FSTL4: variants seen among roughly 807,000 people sequenced by gnomAD.
FSTL4 encodes follistatin-related protein 4.
In FSTL4, 28 loss-of-function variants were observed where a neutral mutation model predicts 78.2. The ratio of observed to expected loss-of-function variants is 0.36; its 90% CI spans 0.27 to 0.49. The LOEUF (loss-of-function observed/expected upper bound fraction) is 0.49, where lower values mean the gene tolerates loss of function less well. FSTL4 is among the 20% of genes least tolerant of loss of function. The pLI, the probability that FSTL4 is intolerant of heterozygous loss-of-function variation, is 0.98. For missense variants in FSTL4, 922 were observed against 1,084.9 expected (o/e 0.85, Z 2.11); for synonymous variants, 422 against 440.5 (o/e 0.96, Z 0.53).
chr5:133,251,608 C>G (rs1456810898), intron 6 of FSTL4, among the ~76,000 whole-genome samples: 2 of 152,056 alleles, frequency 1.3e-5, no homozygotes, highest in East Asian at 3.9e-4. Flanking sequence ...TATCTAAACC[C>G]CGAACTTTAG....
At chr5:133,394,773 AG>A (rs1755959469) in intron 4 of FSTL4, among the ~76,000 whole-genome samples, 1 of 152,234 alleles carries the variant, frequency 6.6e-6, no homozygotes, top group African/African-American at 2.4e-5. Flanking sequence ...CTCCACCTGC[AG>A]CCCGGTGAGG....
At chr5:133,324,515 C>T (rs947752265) in intron 4 of FSTL4, among the ~76,000 whole-genome samples, 1 of 152,264 alleles carries the variant, frequency 6.6e-6, no homozygotes, top group African/African-American at 2.4e-5. Flanking sequence ...CGGGCACCCT[C>T]GTGTGCTGCC....
intron 7 of FSTL4, among the ~76,000 whole-genome samples, chr5:133,245,217 G>T (rs1270133146): frequency 6.6e-6 from 1 of 152,064 alleles, no homozygotes; most frequent in Non-Finnish European, 1.5e-5. Context: ...GAGACCCTGG[G>T]GCACTGCTGC....
At chr5:133,792,278 T>C in the FSTL4 span, among the ~76,000 whole-genome samples, 10 of 152,248 alleles carry the variant, frequency 6.6e-5, no homozygotes, top group Non-Finnish European at 1.3e-4. Context: ...TGAAAAATAC[T>C]GTGCATTCAG....
chr5:133,345,995 A>C (rs754170832), intron 4 of FSTL4, among the ~76,000 whole-genome samples: 1 of 152,242 alleles, frequency 6.6e-6, no homozygotes, highest in Non-Finnish European at 1.5e-5. Context: ...ACCAATCCAA[A>C]TGCCCATCAA....
At chr5:133,347,129 G>A (rs573290587) in intron 4 of FSTL4, among the ~76,000 whole-genome samples, 1 of 152,040 alleles carries the variant, frequency 6.6e-6, no homozygotes, top group East Asian at 1.9e-4. Context: ...AATGTCTCAC[G>A]ATCCCCGTTT....
chr5:133,284,635 A>G (rs1391324470), intron 6 of FSTL4, among the ~76,000 whole-genome samples: 3 of 152,008 alleles, frequency 2.0e-5, no homozygotes, highest in African/African-American at 7.3e-5. Context: ...TGCCTTGGAC[A>G]CTCGCTCTTT....
chr5:133,621,795 C>T, the FSTL4 span, among the ~76,000 whole-genome samples: 1 of 151,886 alleles, frequency 6.6e-6, no homozygotes, highest in Non-Finnish European at 1.5e-5. Flanking sequence ...TGGAAGAAAA[C>T]CAATATATCA....
At chr5:133,747,720 G>T in the FSTL4 span, among the ~76,000 whole-genome samples, 1 of 152,208 alleles carries the variant, frequency 6.6e-6, no homozygotes, top group African/African-American at 2.4e-5. Context: ...CTAAAGAGCT[G>T]CTGGGAAACT....
intron 2 of FSTL4, among the ~76,000 whole-genome samples, chr5:133,597,662 G>A (rs1456574685): frequency 6.6e-6 from 1 of 152,172 alleles, no homozygotes; most frequent in Non-Finnish European, 1.5e-5. Context: ...GCACTAACTG[G>A]TACAGTGTGG....
At chr5:133,383,359 C>T (rs1580665749) in intron 4 of FSTL4, among the ~76,000 whole-genome samples, 1 of 152,100 alleles carries the variant, frequency 6.6e-6, no homozygotes, top group East Asian at 1.9e-4. Context: ...CTTTGAGATT[C>T]CTGGGGCTAG....
chr5:133,507,555 G>A (rs763579219), intron 3 of FSTL4, among the ~76,000 whole-genome samples: 3 of 142,774 alleles, frequency 2.1e-5, no homozygotes, highest in Non-Finnish European at 3.0e-5. Context: ...ACTGAGTCTC[G>A]CTCTGTCGCC....
At chr5:133,524,490 C>T (rs994399434) in intron 3 of FSTL4, among the ~76,000 whole-genome samples, 9 of 152,200 alleles carry the variant, frequency 5.9e-5, no homozygotes, top group African/African-American at 1.9e-4. Flanking sequence ...ACCATTTGCC[C>T]GTGTGTCACT....
At chr5:133,810,905 C>A in the FSTL4 span, among the ~76,000 whole-genome samples, 2 of 152,200 alleles carry the variant, frequency 1.3e-5, no homozygotes, top group Admixed American at 1.3e-4. Context: ...CATTCACCTG[C>A]GCAAGCTTCC....
intron 13 of FSTL4, among the ~76,000 whole-genome samples, chr5:133,216,688 A>C (rs1312084767): frequency 2.0e-5 from 3 of 152,204 alleles, no homozygotes; most frequent in African/African-American, 7.2e-5. Flanking sequence ...TTCTTTAAAG[A>C]TCTAAGTCAG....
intron 4 of FSTL4, among the ~76,000 whole-genome samples, chr5:133,344,196 TA>T: frequency 6.6e-6 from 1 of 152,196 alleles, no homozygotes; most frequent in East Asian, 1.9e-4. Context: ...ATGCATACCA[TA>T]AAAAACAAAA....
At chr5:133,394,340 G>A (rs541675014) in intron 4 of FSTL4, among the ~76,000 whole-genome samples, 24 of 152,354 alleles carry the variant, frequency 1.6e-4, no homozygotes, top group Non-Finnish European at 3.2e-4. Context: ...CTCTGCTTGC[G>A]GGGAGGTGTG....
the FSTL4 span, among the ~76,000 whole-genome samples, chr5:133,750,644 G>C: frequency 1.3e-5 from 2 of 152,146 alleles, no homozygotes; most frequent in African/African-American, 4.8e-5. Context: ...CCACCTCCAG[G>C]GGCCCAAAGG....
At chr5:133,629,517 C>CA in the FSTL4 span, among the ~76,000 whole-genome samples, 1 of 151,876 alleles carries the variant, frequency 6.6e-6, no homozygotes, top group Non-Finnish European at 1.5e-5. Flanking sequence ...GCCTATCAAC[C>CA]AAAAAAAGCC....
Sources: gnomAD v4.1 joint callset for allele counts (sites outside exome capture counted in the v4.1 genomes callset) on GRCh38, gnomAD v4.1.1 for gene constraint, MANE v1.5 for transcripts, NCBI Gene and HGNC (gene_info 2026-07-23, HGNC 2026-07-21) for gene names.